Variants in ADGRV1 observed in about 807,000 individuals in gnomAD.
ADGRV1 encodes G-protein coupled receptor 98.
A neutral mutation model predicts 596.2 loss-of-function variants in ADGRV1; 359 were observed. The ratio of observed to expected loss-of-function variants is 0.60; its 90% CI spans 0.55 to 0.66. The LOEUF (loss-of-function observed/expected upper bound fraction) is 0.66, where lower values mean the gene tolerates loss of function less well. ADGRV1 is among the 30% of genes least tolerant of loss of function. The probability of loss-of-function intolerance (pLI) is 0.00; values close to 1 mark genes in which losing one functional copy is unlikely to be tolerated. For missense variants in ADGRV1, 7,274 were observed against 7,575.6 expected (o/e 0.96, Z 1.48); for synonymous variants, 2,681 against 2,679.2 (o/e 1.00, Z -0.02).
At chr5:91,048,180 T>C (rs1487708142) in intron 85 of ADGRV1, among the ~76,000 whole-genome samples, 2 of 152,228 alleles carry the variant, frequency 1.3e-5, no homozygotes, top group Non-Finnish European at 2.9e-5. Flanking sequence ...ATTTGATTGG[T>C]ACTGTCATAA....
At chr5:90,738,005 C>T (rs2149867723) in intron 50 of ADGRV1, among the ~76,000 whole-genome samples, 1 of 151,756 alleles carries the variant, frequency 6.6e-6, no homozygotes, top group African/African-American at 2.4e-5. Context: ...TTGTTTCTTT[C>T]TTCTTCTGTT....
intron 83 of ADGRV1, among the ~76,000 whole-genome samples, chr5:90,882,268 G>T (rs570017642): frequency 1.3e-5 from 2 of 152,272 alleles, no homozygotes; most frequent in South Asian, 2.1e-4. Context: ...AACCTTTTCA[G>T]TACTTCTTTT....
chr5:90,782,001 C>A (rs1354207721), intron 65 of ADGRV1, among the ~76,000 whole-genome samples: 1 of 152,100 alleles, frequency 6.6e-6, no homozygotes, highest in African/African-American at 2.4e-5. Context: ...CTTGATCTTG[C>A]TTTCTCGAAA....
At chr5:90,629,571 G>T in intron 9 of ADGRV1, 32 bp downstream of exon 9, 2 of 1,476,100 alleles carry the variant, frequency 1.4e-6, no homozygotes, top group Non-Finnish European at 1.9e-6. Context: ...TCGTAATTTT[G>T]GTTAACCTTC....
At chr5:90,694,751 A>G in intron 33 of ADGRV1, 50 bp downstream of exon 33, 2 of 1,422,856 alleles carry the variant, frequency 1.4e-6, no homozygotes, top group Non-Finnish European at 1.9e-6. Flanking sequence ...AAGTCATCAT[A>G]GTCCATTTTT....
rs751687170 is a variant in ADGRV1 at position 90,627,302 on chromosome 5, T to G, written c.764T>G (p.Ile255Ser). 2.5e-6 allele frequency: 4 copies of G among 1,612,736 alleles called. No homozygotes were observed. Among genetic ancestry groups the G allele is most frequent in the Non-Finnish European group, 3.4e-6 (4 of 1,178,996 alleles). Residue 255 changes from isoleucine to serine, a missense_variant, in exon 7 of 90, where the codon ATC (isoleucine) becomes AGC (serine). Physicochemically the swap from Ile to Ser is moderately radical, Grantham distance 142 (BLOSUM62 -2). Around this residue, in one of 5 missense-constraint regions of ADGRV1, gnomAD observed 1,715 missense variants for 1,708.8 expected, o/e 1.00. Transcript: ENST00000405460. ...INTSRNSIEI[I>S]IKKNDSPVRF... ...ACCTCTAGGAATTCCATTGAGATCA[T>G]CATTAAGAAAAATGATAGTCCCGTG...
At chr5:90,979,312 C>T (rs1379337407) in intron 84 of ADGRV1, among the ~76,000 whole-genome samples, 1 of 151,882 alleles carries the variant, frequency 6.6e-6, no homozygotes, top group Non-Finnish European at 1.5e-5. Flanking sequence ...GGACTACAGG[C>T]ATGTAATCAT....
At chr5:91,066,732 G>A (rs1160707354) in intron 85 of ADGRV1, among the ~76,000 whole-genome samples, 1 of 152,192 alleles carries the variant, frequency 6.6e-6, no homozygotes, top group Non-Finnish European at 1.5e-5. Context: ...TTTCACAACA[G>A]TGTCTGACTC....
intron 21 of ADGRV1, among the ~76,000 whole-genome samples, chr5:90,660,523 A>G (rs1770110775): frequency 8.2e-6 from 1 of 121,942 alleles, no homozygotes; most frequent in African/African-American, 2.9e-5. Context: ...TGACATTGAC[A>G]ATTTAACGTT....
In ADGRV1 at chr5:90,628,803, G is replaced by C. The variant is rs886042723; in HGVS notation, c.1480G>C (p.Gly494Arg). 1 of 1,614,020 alleles carries C rather than the reference G, an allele frequency of 6.2e-7. No individual in the cohort carries two copies. Among genetic ancestry groups the C allele is most frequent in the East Asian group, 2.2e-5 (1 of 44,880 alleles). Residue 494 changes from glycine to arginine, a missense_variant, in exon 8 of 90, where the codon GGA becomes CGA. Gly to Arg is a moderately radical substitution (Grantham distance 125). Around this residue, in one of 5 missense-constraint regions of ADGRV1, gnomAD observed 1,715 missense variants for 1,708.8 expected, o/e 1.00. Transcript: ENST00000405460. ...LLQILPHTIR[G>R]GAEVSEPAEL... Reference sequence around the variant, plus strand: ...TCAAATTCTGCCTCATACAATACGAGGAGGTGCAGAAGTGAGCGAGCCAGC... The same window carrying C: ...TCAAATTCTGCCTCATACAATACGACGAGGTGCAGAAGTGAGCGAGCCAGC...
At chr5:90,619,255 A>G in intron 4 of ADGRV1, 74 bp downstream of exon 4, 2 of 674,800 alleles carry the variant, frequency 3.0e-6, no homozygotes, top group Non-Finnish European at 4.8e-6. Context: ...AGTTTTCATG[A>G]TGTTAGCTAG....
Position 90,600,667 on chromosome 5 carries a change from C to G in ADGRV1, c.23-14168C>G, listed in dbSNP as rs140355248. 5.0e-3 allele frequency among the ~76,000 whole-genome samples: 766 copies of G among 152,254 alleles called. 7 individuals are homozygous for G. Among genetic ancestry groups the G allele is most frequent in the African/African-American group, 0.018 (735 of 41,542 alleles). On this transcript the variant is annotated intron_variant, in intron 1 of 89. Coordinates refer to ENST00000405460, the MANE Select transcript of ADGRV1 (RefSeq NM_032119.4). The stretch of plus-strand genomic sequence containing the variant: ...CGATTTATAATCCTTTGGGTATATA[C>G]CCAGTAATGGGATGGCTGGGTCAAA...
chr5:90,788,157 C>G lies in ADGRV1; in HGVS notation c.13740C>G (p.Phe4580Leu). Residue 4580 changes from phenylalanine to leucine, a missense_variant, in exon 68 of 90, where the codon TTC becomes TTG. By Grantham distance (22) the Phe-to-Leu change is conservative. This residue lies in a region of ADGRV1 where 3,643 missense variants were observed against 3,809.2 expected (regional missense o/e 0.96). Coordinates refer to ENST00000405460, the MANE Select transcript of ADGRV1 (RefSeq NM_032119.4). The stretch of plus-strand genomic sequence containing the variant: ...TTGCAGACCCAGTGAGCGGGTTGTT[C>G]TATTTTGGAGAAGGAGAAGGAGGAG... The part of the protein sequence containing the change: ...RDIADPVSGL[F>L]YFGEGEGGVR... 6.2e-7 allele frequency: 1 copy of G among 1,613,768 alleles called. No homozygotes were observed. The highest frequency in any genetic ancestry group is 8.5e-7 in the Non-Finnish European group (1 of 1,179,736).
At chr5:90,798,353 C>A (rs1317521777) in intron 70 of ADGRV1, among the ~76,000 whole-genome samples, 1 of 152,126 alleles carries the variant, frequency 6.6e-6, no homozygotes, top group African/African-American at 2.4e-5. Flanking sequence ...TGGACACATA[C>A]ACCCTCCCAA....
At position 90,628,701 on chromosome 5, in the gene ADGRV1, C is replaced by T; in HGVS notation, c.1378C>T (p.Gln460Ter). ...RPSSGVLHFA[Q>*]GQMLATIPLT... ...GAGCTCTGGAGTTCTCCATTTTGCA[C>T]AAGGGCAGATGTTGGCAACAATTCC... The change falls in exon 8 of 90, where the codon CAA becomes TAA. Residue 460 changes from glutamine to a stop codon, truncating the protein, a stop_gained. Coordinates refer to ENST00000405460, the MANE Select transcript of ADGRV1 (RefSeq NM_032119.4). LOFTEE classifies it high-confidence loss of function. The T allele has an allele frequency of 6.2e-7, 1 of 1,613,992 alleles. No individual in the cohort carries two copies. The highest frequency in any genetic ancestry group is 1.3e-5 in the African/African-American group (1 of 75,038).
At position 90,848,752 on chromosome 5, in the gene ADGRV1, T is replaced by G. The variant is rs765708307; in HGVS notation, c.17135T>G (p.Phe5712Cys). 6.3e-7 allele frequency: 1 copy of G among 1,591,660 alleles called. No individual in the cohort carries two copies. The highest frequency in any genetic ancestry group is 1.2e-5 in the South Asian group (1 of 86,180). The change falls in exon 79 of 90, where the codon TTT becomes TGT. Residue 5712 changes from phenylalanine to cysteine, a missense_variant. This residue lies in a region of ADGRV1 where 1,874 missense variants were observed against 1,970.2 expected (regional missense o/e 0.95). Coordinates refer to ENST00000405460, the MANE Select transcript of ADGRV1 (RefSeq NM_032119.4). ...AAGGACACTAGGGGATTCAGTCACT[T>G]TGCTGAAGTGACTGAGAATTTTGCC... Reference protein sequence around the residue: ...KRKDTRGFSHFAEVTENFAFS... With the variant: ...KRKDTRGFSHCAEVTENFAFS...
chr5:90,591,122 T>C (rs931424827), intron 1 of ADGRV1, among the ~76,000 whole-genome samples: 3 of 152,198 alleles, frequency 2.0e-5, no homozygotes, highest in African/African-American at 7.2e-5. Flanking sequence ...CTGAGCATGA[T>C]GGCTCATGCC....
At chr5:90,576,107 G>T (rs559222360) in intron 1 of ADGRV1, among the ~76,000 whole-genome samples, 17 of 151,978 alleles carry the variant, frequency 1.1e-4, no homozygotes, top group Admixed American at 8.5e-4. Context: ...TCTGCTTAAG[G>T]GTGGGATTCT....
chr5:90,974,094 T>C (rs1034517980), intron 84 of ADGRV1, among the ~76,000 whole-genome samples: 8 of 152,216 alleles, frequency 5.3e-5, no homozygotes, highest in Middle Eastern at 3.4e-3. Context: ...GAACTCCCAT[T>C]CACAATTGCT....
Sources: allele counts gnomAD v4.1 joint callset (sites outside exome capture counted in the v4.1 genomes callset), GRCh38; gene constraint gnomAD v4.1.1; regional missense constraint gnomAD v4.1.1; transcripts MANE v1.5; gene names NCBI Gene and HGNC (gene_info 2026-07-23, HGNC 2026-07-21).